N4BP2L2: variants seen among roughly 807,000 people sequenced by gnomAD.
The protein encoded by N4BP2L2 is NEDD4 binding protein 2 like 2, also known as NEDD4-binding protein 2-like 2.
A neutral mutation model predicts 56.2 loss-of-function variants in N4BP2L2; 50 were observed. The ratio of observed to expected loss-of-function variants is 0.89; its 90% CI spans 0.71 to 1.13. The LOEUF is 1.13. N4BP2L2 is among the 50% of genes most tolerant of loss of function. The pLI is 0.00. For synonymous variants in N4BP2L2, 203 were observed against 223.6 expected (o/e 0.91, Z 0.82); for missense variants, 689 against 693.8 (o/e 0.99, Z 0.08).
intron 3 of N4BP2L2, chr13:32,523,035 T>C (rs2051436598): frequency 1.3e-5 from 2 of 152,200 alleles, no homozygotes; most frequent in South Asian, 2.1e-4. Context: ...TGCTGTAGAA[T>C]GGAACTTTTC....
At chr13:32,522,377 A>T (rs2051227881) in intron 3 of N4BP2L2, 107 bp from the exon 4 acceptor site, 7 of 611,848 alleles carry the variant, frequency 1.1e-5, no homozygotes, top group South Asian at 5.8e-5. Context: ...ACTTAAAACC[A>T]AAACTGTGCA....
chr13:32,503,452 T>G (rs2090386863), intron 6 of N4BP2L2, among the ~76,000 whole-genome samples: 1 of 152,190 alleles, frequency 6.6e-6, no homozygotes, highest in African/African-American at 2.4e-5. Context: ...TTAATCCATA[T>G]TCTACAGAAG....
At chr13:32,468,296 G>C (rs1171365394) in intron 6 of N4BP2L2, among the ~76,000 whole-genome samples, 1 of 151,550 alleles carries the variant, frequency 6.6e-6, no homozygotes, top group African/African-American at 2.4e-5. Flanking sequence ...CTAAAATAAG[G>C]GTAGGATATG....
rs529384715 is a variant in N4BP2L2 at position 32,432,789 on chromosome 13, CT to C, written c.*204del. On this transcript the variant is annotated 3_prime_UTR_variant, in exon 10 of 10. Transcript: ENST00000357505. ...GACAATAAAATGTTCAAATTGTTACCTCCTCTGTTGAGTTTTTTTATTATTC... is the reference window on the plus strand; with the variant it reads ...GACAATAAAATGTTCAAATTGTTACCCCTCTGTTGAGTTTTTTTATTATTC... The C allele has an allele frequency of 6.8e-4, 103 of 152,234 alleles. 1 individual carries two copies. Among genetic ancestry groups the C allele is most frequent in the Admixed American group, 6.1e-3 (93 of 15,298 alleles). The allele number at this position is 152,234 out of a possible 1,614,324, so 9.4% of individuals were successfully genotyped here.
At chr13:32,529,501 A>G (rs2054015849) in intron 2 of N4BP2L2, among the ~76,000 whole-genome samples, 1 of 152,222 alleles carries the variant, frequency 6.6e-6, no homozygotes, top group African/African-American at 2.4e-5. Context: ...CAGATAACCT[A>G]GAATATGAAA....
intron 6 of N4BP2L2, among the ~76,000 whole-genome samples, chr13:32,493,400 A>T (rs1462163718): frequency 6.6e-6 from 1 of 152,182 alleles, no homozygotes; most frequent in Non-Finnish European, 1.5e-5. Flanking sequence ...AACAACAACA[A>T]CAAAACCTAT....
chr13:32,502,668 G>A (rs541394369), intron 6 of N4BP2L2, among the ~76,000 whole-genome samples: 4 of 152,024 alleles, frequency 2.6e-5, no homozygotes, highest in Admixed American at 6.6e-5. Context: ...ACTTAACTTC[G>A]AATTCTGCAA....
At chr13:32,510,363 A>T (rs1435483299) in exon 6 of N4BP2L2, 1 of 152,086 alleles carries the variant, frequency 6.6e-6, no homozygotes, top group Non-Finnish European at 1.5e-5. Context: ...ATTAAAATTA[A>T]TTTAAAGCCT....
chr13:32,528,471 T>A (rs1414189939), intron 2 of N4BP2L2, among the ~76,000 whole-genome samples: 1 of 152,184 alleles, frequency 6.6e-6, no homozygotes, highest in Non-Finnish European at 1.5e-5. Flanking sequence ...ATAATCAAGC[T>A]TTGTTTTGAA....
chr13:32,524,076 T>G (rs907878455), intron 3 of N4BP2L2: 1 of 152,328 alleles, frequency 6.6e-6, no homozygotes, highest in East Asian at 1.9e-4. Context: ...ACAGACAGAA[T>G]GCTAAAGGTC....
intron 6 of N4BP2L2, among the ~76,000 whole-genome samples, chr13:32,490,699 G>T (rs1169784100): frequency 6.6e-6 from 1 of 152,186 alleles, no homozygotes; most frequent in African/African-American, 2.4e-5. Context: ...TTCCACCTCA[G>T]ATGATCAGGC....
At chr13:32,452,021 G>T (rs2078126379) in intron 6 of N4BP2L2, among the ~76,000 whole-genome samples, 2 of 150,920 alleles carry the variant, frequency 1.3e-5, no homozygotes, top group Non-Finnish European at 3.0e-5. Flanking sequence ...CCGGAGAAAA[G>T]AAAAAGAAAG....
At chr13:32,452,987 A>G (rs2078343906) in intron 6 of N4BP2L2, among the ~76,000 whole-genome samples, 1 of 152,224 alleles carries the variant, frequency 6.6e-6, no homozygotes, top group Non-Finnish European at 1.5e-5. Context: ...GGTTGGGCAC[A>G]GTGGCTCACA....
chr13:32,439,781 G>A (rs2075993875), intron 7 of N4BP2L2, among the ~76,000 whole-genome samples: 1 of 151,112 alleles, frequency 6.6e-6, no homozygotes, highest in Non-Finnish European at 1.5e-5. Flanking sequence ...GGGAGGCCGA[G>A]GTGGGTGGAT....
chr13:32,527,560 C>T lies in N4BP2L2; in HGVS notation c.1260-28G>A, dbSNP rs764451986. On this transcript the variant is annotated intron_variant, in intron 2 of 5. Transcript: ENST00000267068. The stretch of plus-strand genomic sequence containing the variant: ...GTTAATAAAAGAAATCATAAAGGTG[C>T]CATTTACAAAATCTATAACCATCAG... The T allele has an allele frequency of 5.0e-6, 8 of 1,603,768 alleles. No individual in the cohort carries two copies. The East Asian group carries it at 1.1e-4, about 22-fold the overall frequency.
intron 6 of N4BP2L2, among the ~76,000 whole-genome samples, chr13:32,494,891 A>G (rs1593855165): frequency 6.6e-6 from 1 of 150,774 alleles, no homozygotes; most frequent in African/African-American, 2.4e-5. Flanking sequence ...AAACCTCAAC[A>G]AAGTCCCTTT....
At position 32,488,595 on chromosome 13, in the gene N4BP2L2, C is replaced by T. The variant is rs76005640; in HGVS notation, c.365+29262G>A. Among the ~76,000 whole-genome samples the T allele has an allele frequency of 7.1e-3, 1,085 of 151,892 alleles. 13 individuals carry two copies. The highest frequency in any genetic ancestry group is 0.025 in the African/African-American group (1,047 of 41,420). On this transcript the variant is annotated intron_variant, in intron 6 of 9. Coordinates refer to the N4BP2L2 transcript ENST00000357505. ...TACATTTAAATTATAAATTATCATC[C>T]CACAATTTTAATAAAGGTATGTATA...
chr13:32,443,676 A>C lies in N4BP2L2; in HGVS notation c.816T>G (p.Thr272=), dbSNP rs2076642814. The C allele has an allele frequency of 2.5e-6, 4 of 1,609,812 alleles. No individual in the cohort carries two copies. In the East Asian group the frequency reaches 8.9e-5, roughly 36 times the overall value. The change falls in exon 7 of 10, where the codon ACT becomes ACG. Residue 272 remains threonine, a synonymous_variant. Transcript: ENST00000357505. ...CTACCTTCATGCCAGAGCAGTCATC[A>C]GTTGTTACACAGGAAAGGTTTTGAG... is the stretch of plus-strand genomic sequence containing the variant.
exon 7 of N4BP2L2, chr13:32,443,392 T>C: frequency 6.2e-7 from 1 of 1,614,010 alleles, no homozygotes. Flanking sequence ...AAAATAGGGC[T>C]GTCTGTCAGA....
Sources: gnomAD v4.1 joint callset for allele counts (sites outside exome capture counted in the v4.1 genomes callset) on GRCh38, gnomAD v4.1.1 for gene constraint, MANE v1.5 for transcripts, NCBI Gene and HGNC (gene_info 2026-07-23, HGNC 2026-07-21) for gene names.